The following MOB1A variants were observed in gnomAD, a reference collection of about 807,000 sequenced individuals.
The protein encoded by MOB1A is MOB kinase activator 1A.
A neutral mutation model predicts 25.1 loss-of-function variants in MOB1A; 10 were observed. The observed-to-expected ratio is 0.40, with a 90% confidence interval of 0.25 to 0.68. The LOEUF is 0.68. MOB1A is among the 30% of genes least tolerant of loss of function. MOB1A has a pLI of 0.40. For missense variants in MOB1A, 177 were observed against 256.3 expected (o/e 0.69, Z 2.11); for synonymous variants, 81 against 79.5 (o/e 1.02, Z -0.10).
intron 2 of MOB1A, among the ~76,000 whole-genome samples, chr2:74,170,154 T>G (rs749442364): frequency 1.3e-4 from 20 of 151,974 alleles, no homozygotes; most frequent in Non-Finnish European, 2.1e-4. Context: ...GTGTGTGTGT[T>G]TTTTTAAGAT....
At chr2:74,173,506 G>C (rs556664865) in intron 1 of MOB1A, among the ~76,000 whole-genome samples, 2 of 148,802 alleles carry the variant, frequency 1.3e-5, no homozygotes, top group Non-Finnish European at 3.0e-5. Flanking sequence ...TCAGCCTCTC[G>C]AGTAGCTGGG....
chr2:74,163,542 G>A (rs1287244263), intron 4 of MOB1A, among the ~76,000 whole-genome samples: 3 of 152,098 alleles, frequency 2.0e-5, no homozygotes, highest in African/African-American at 7.2e-5. Context: ...GGAAGCTAAG[G>A]TGGGAGGATC....
At chr2:74,157,521 G>T (rs74672855) in intron 5 of MOB1A, among the ~76,000 whole-genome samples, 1 of 152,146 alleles carries the variant, frequency 6.6e-6, no homozygotes, top group Non-Finnish European at 1.5e-5. Flanking sequence ...CAGAGGTATA[G>T]GTGACAATGT....
At chr2:74,167,479 G>C (rs1693165018) in intron 2 of MOB1A, among the ~76,000 whole-genome samples, 1 of 152,132 alleles carries the variant, frequency 6.6e-6, no homozygotes, top group Non-Finnish European at 1.5e-5. Flanking sequence ...TTGAACTCCT[G>C]ACCTCATGAT....
intron 4 of MOB1A, among the ~76,000 whole-genome samples, chr2:74,163,420 T>C (rs1304414278): frequency 6.6e-6 from 1 of 152,156 alleles, no homozygotes; most frequent in Non-Finnish European, 1.5e-5. Context: ...GAGGGATGCT[T>C]GAGCCCTGGA....
chr2:74,170,478 T>C (rs1450718582), intron 2 of MOB1A, among the ~76,000 whole-genome samples: 1 of 151,734 alleles, frequency 6.6e-6, no homozygotes, highest in Non-Finnish European at 1.5e-5. Flanking sequence ...TTGGCTGGGT[T>C]TTTTCCAGCA....
intron 2 of MOB1A, among the ~76,000 whole-genome samples, chr2:74,170,531 T>G (rs982309680): frequency 6.6e-6 from 1 of 151,730 alleles, no homozygotes; most frequent in African/African-American, 2.4e-5. Flanking sequence ...AGTCAGGAGT[T>G]CGAGACCAGC....
chr2:74,156,173 T>A lies in MOB1A; in HGVS notation c.*395A>T, dbSNP rs928981094. ...GAAATTTGTTCTGGAAACTTATTCA[T>A]AAATTATTGATGGAAATTCTTAATG... On this transcript the variant is annotated 3_prime_UTR_variant, in exon 6 of 6. Transcript: ENST00000396049. 1 of 155,706 alleles carries A rather than the reference T, an allele frequency of 6.4e-6. No individual in the cohort carries two copies. Among genetic ancestry groups the A allele is most frequent in the Non-Finnish European group, 1.4e-5 (1 of 70,178 alleles). The allele number at this position is 155,706 out of a possible 1,614,324, so 9.6% of individuals were successfully genotyped here.
chr2:74,169,454 G>A (rs935803643), intron 2 of MOB1A, among the ~76,000 whole-genome samples: 3 of 152,214 alleles, frequency 2.0e-5, no homozygotes, highest in South Asian at 2.1e-4. Flanking sequence ...AGCCAAGATC[G>A]TGACACTGCA....
intron 4 of MOB1A, chr2:74,163,929 G>A (rs796709220): frequency 6.6e-6 from 1 of 151,942 alleles, no homozygotes; most frequent in South Asian, 2.1e-4. Flanking sequence ...TTGACAAAAT[G>A]TTTCTAAGTT....
chr2:74,171,140 C>A (rs566005134), intron 2 of MOB1A, among the ~76,000 whole-genome samples: 2 of 151,340 alleles, frequency 1.3e-5, no homozygotes, highest in African/African-American at 4.8e-5. Context: ...ATTAGCCGGG[C>A]GTGGTGGCGG....
rs78163386 is a variant in MOB1A at position 74,156,560 on chromosome 2, A to G, written c.*8T>C. On this transcript the variant is annotated 3_prime_UTR_variant, in exon 6 of 6. Transcript: ENST00000396049. ...AGCAAGGGGGTAACTGTGTTCTAGA[A>G]GAAACATTTATCTGTCTTTTGATCC... The G allele has an allele frequency of 2.0e-3, 3,027 of 1,543,710 alleles. 7 individuals are homozygous for G. Among genetic ancestry groups the G allele is most frequent in the Non-Finnish European group, 2.5e-3 (2,840 of 1,139,402 alleles).
At chr2:74,162,033 A>G (rs1208372961) in intron 4 of MOB1A, among the ~76,000 whole-genome samples, 1 of 152,242 alleles carries the variant, frequency 6.6e-6, no homozygotes, top group Non-Finnish European at 1.5e-5. Context: ...TAATAAAAGG[A>G]TATTAATAAT....
intron 2 of MOB1A, among the ~76,000 whole-genome samples, chr2:74,170,521 AGT>A (rs1693260920): frequency 6.6e-6 from 1 of 151,704 alleles, no homozygotes; most frequent in Admixed American, 6.6e-5. Flanking sequence ...GATTACCTGA[AGT>A]CAGGAGTTCG....
In MOB1A at chr2:74,178,798, G is replaced by C; in HGVS notation, c.-124C>G. On this transcript the variant is annotated 5_prime_UTR_variant, in exon 1 of 6. Coordinates refer to ENST00000396049, the MANE Select transcript of MOB1A (RefSeq NM_018221.5). ...GCGGAAGCCGGGCCGCCGCCGCTCG[G>C]AGCCGGGTTTCTGGCCGCTGCGAGC... 1 of 487,242 alleles carries C rather than the reference G, an allele frequency of 2.1e-6. No individual in the cohort carries two copies. Among genetic ancestry groups the C allele is most frequent in the Non-Finnish European group, 3.2e-6 (1 of 316,450 alleles). The allele number at this position is 487,242 out of a possible 1,614,324, so 30.2% of individuals were successfully genotyped here.
At chr2:74,163,657 T>G (rs1380732982) in intron 4 of MOB1A, among the ~76,000 whole-genome samples, 1 of 151,652 alleles carries the variant, frequency 6.6e-6, no homozygotes, top group Non-Finnish European at 1.5e-5. Flanking sequence ...TAAAAATAAA[T>G]TACAATAAAA....
At position 74,160,453 on chromosome 2, in the gene MOB1A, G is replaced by C. The variant is rs181755995; in HGVS notation, c.410-1199C>G. On this transcript the variant is annotated intron_variant, in intron 4 of 5. Transcript: ENST00000396049. ...TAATCCCAGCACTTTGGGAGGCCGA[G>C]GGGGGCAGATCACGAGGTCAGGAGG... is the stretch of plus-strand genomic sequence containing the variant. Among the ~76,000 whole-genome samples the C allele has an allele frequency of 1.6e-3, 245 of 152,322 alleles. 2 individuals are homozygous for C. Among genetic ancestry groups the C allele is most frequent in the Non-Finnish European group, 2.9e-3 (194 of 68,034 alleles).
chr2:74,166,881 G>T (rs1693143383), intron 3 of MOB1A, 133 bp downstream of exon 3: 1 of 618,518 alleles, frequency 1.6e-6, no homozygotes, highest in Non-Finnish European at 2.9e-6. Flanking sequence ...AAGCTTACAG[G>T]TGAGTAGTCA....
At chr2:74,178,598 CG>C in intron 1 of MOB1A, 62 bp downstream of exon 1, 6 of 1,270,922 alleles carry the variant, frequency 4.7e-6, no homozygotes, top group African/African-American at 1.6e-5. Context: ...GCCTCAGGTC[CG>C]GGGAGGCCTC....
Sources: gnomAD v4.1 joint callset for allele counts (sites outside exome capture counted in the v4.1 genomes callset) on GRCh38, gnomAD v4.1.1 for gene constraint, MANE v1.5 for transcripts, NCBI Gene and HGNC (gene_info 2026-07-23, HGNC 2026-07-21) for gene names.